Variants in EPCIP observed in about 807,000 individuals in gnomAD.
EPCIP encodes the protein exosomal polycystin 1 interacting protein.
the EPCIP span, among the ~76,000 whole-genome samples, chr21:32,801,279 T>C: frequency 1.3e-5 from 2 of 152,228 alleles, no homozygotes; most frequent in Non-Finnish European, 2.9e-5. Context: ...CCTACCCTGC[T>C]AGCTGGGTAC....
the EPCIP span, among the ~76,000 whole-genome samples, chr21:32,803,651 G>A: frequency 1.3e-5 from 2 of 152,060 alleles, no homozygotes; most frequent in Non-Finnish European, 2.9e-5. Flanking sequence ...ATTTGAAAAC[G>A]GAATGATATC....
At chr21:32,796,735 C>T in the EPCIP span, among the ~76,000 whole-genome samples, 1 of 152,128 alleles carries the variant, frequency 6.6e-6, no homozygotes, top group African/African-American at 2.4e-5. Context: ...TTATTAATTA[C>T]AAGATAATTT....
At chr21:32,794,259 T>G in the EPCIP span, 2 of 1,614,242 alleles carry the variant, frequency 1.2e-6, no homozygotes, top group Admixed American at 3.3e-5. Flanking sequence ...TTGGCCAAAC[T>G]GTAGTCACAA....
chr21:32,801,716 A>G, the EPCIP span, among the ~76,000 whole-genome samples: 2 of 152,052 alleles, frequency 1.3e-5, no homozygotes, highest in Non-Finnish European at 2.9e-5. Flanking sequence ...GGTGGTGGGC[A>G]CCTGTAATCC....
chr21:32,805,199 T>C, the EPCIP span, among the ~76,000 whole-genome samples: 1 of 152,194 alleles, frequency 6.6e-6, no homozygotes, highest in Non-Finnish European at 1.5e-5. Flanking sequence ...CTCTAGGAGC[T>C]GAAAGAGGCA....
At chr21:32,791,628 CACTG>C in the EPCIP span, 1 of 151,808 alleles carries the variant, frequency 6.6e-6, no homozygotes, top group Non-Finnish European at 1.5e-5. Context: ...CTAATTTAAA[CACTG>C]ACATGGGCTC....
the EPCIP span, among the ~76,000 whole-genome samples, chr21:32,808,641 G>T: frequency 6.6e-6 from 1 of 152,136 alleles, no homozygotes; most frequent in African/African-American, 2.4e-5. Context: ...AGGTAATGTG[G>T]GATCCTGGAT....
chr21:32,812,749 GA>G, the EPCIP span, among the ~76,000 whole-genome samples: 1 of 151,900 alleles, frequency 6.6e-6, no homozygotes. Context: ...CAATGTTTTT[GA>G]AACATTTCCT....
At chr21:32,813,314 G>A in the EPCIP span, among the ~76,000 whole-genome samples, 1 of 152,174 alleles carries the variant, frequency 6.6e-6, no homozygotes, top group Non-Finnish European at 1.5e-5. Flanking sequence ...AGAAGACCAT[G>A]TCATTCTTTG....
At chr21:32,800,831 A>T in the EPCIP span, among the ~76,000 whole-genome samples, 12 of 152,112 alleles carry the variant, frequency 7.9e-5, no homozygotes, top group Admixed American at 4.6e-4. Flanking sequence ...ACCAAAAAAA[A>T]AAAAAACATG....
the EPCIP span, among the ~76,000 whole-genome samples, chr21:32,809,286 T>TTCTTTCTTTCTTTCTTTCTCTC: frequency 9.0e-6 from 1 of 111,570 alleles, no homozygotes; most frequent in Non-Finnish European, 1.8e-5. Flanking sequence ...CTTCCTTTCT[T>TTCTTTCTTTCTTTCTTTCTCTC]TCTTTCTTTC....
the EPCIP span, among the ~76,000 whole-genome samples, chr21:32,805,912 A>G: frequency 5.3e-4 from 80 of 152,290 alleles, no homozygotes; most frequent in Admixed American, 1.1e-3. Context: ...GCCAAGCCCA[A>G]ATGGATACAT....
the EPCIP span, among the ~76,000 whole-genome samples, chr21:32,812,724 T>A: frequency 6.6e-6 from 1 of 152,210 alleles, no homozygotes; most frequent in Non-Finnish European, 1.5e-5. Context: ...GTGGGTTTTT[T>A]ATAAATATTA....
the EPCIP span, among the ~76,000 whole-genome samples, chr21:32,801,970 TAA>T: frequency 6.6e-6 from 1 of 152,116 alleles, no homozygotes; most frequent in African/African-American, 2.4e-5. Context: ...AGTGCAGATA[TAA>T]GAGTCATTGG....
At chr21:32,800,785 C>T in the EPCIP span, among the ~76,000 whole-genome samples, 17 of 148,956 alleles carry the variant, frequency 1.1e-4, no homozygotes, top group Non-Finnish European at 1.9e-4. Context: ...CATTGCACTC[C>T]AGAGTGAGAC....
chr21:32,801,983 C>T, the EPCIP span, among the ~76,000 whole-genome samples: 58 of 152,210 alleles, frequency 3.8e-4, no homozygotes, highest in East Asian at 1.5e-3. Context: ...GAGTCATTGG[C>T]GCAGATGTCA....
the EPCIP span, among the ~76,000 whole-genome samples, chr21:32,811,129 C>T: frequency 6.7e-6 from 1 of 149,824 alleles, no homozygotes; most frequent in Non-Finnish European, 1.5e-5. Flanking sequence ...ATATTATGGC[C>T]CCCCCTCCCC....
the EPCIP span, among the ~76,000 whole-genome samples, chr21:32,803,511 G>GT: frequency 6.6e-6 from 1 of 152,232 alleles, no homozygotes; most frequent in Non-Finnish European, 1.5e-5. Context: ...CACACAGGCA[G>GT]TGTGAGGGCT....
the EPCIP span, among the ~76,000 whole-genome samples, chr21:32,799,882 C>G: frequency 1.3e-5 from 2 of 152,220 alleles, no homozygotes; most frequent in Non-Finnish European, 2.9e-5. Flanking sequence ...GCAGAGGTTG[C>G]CGTGAGCCGA....
Sources: allele counts gnomAD v4.1 joint callset (sites outside exome capture counted in the v4.1 genomes callset), GRCh38; gene constraint gnomAD v4.1.1; transcripts MANE v1.5; gene names NCBI Gene and HGNC (gene_info 2026-07-23, HGNC 2026-07-21).